GRID1: variants seen among roughly 807,000 people sequenced by gnomAD.
GRID1 encodes the protein glutamate receptor ionotropic, delta-1.
A neutral mutation model predicts 98.0 loss-of-function variants in GRID1; 28 were observed. The ratio of observed to expected loss-of-function variants is 0.29; its 90% CI spans 0.21 to 0.39. GRID1 has a LOEUF of 0.39. Among genes scored for constraint, GRID1 ranks in the 10% least tolerant of loss-of-function variants. The probability of loss-of-function intolerance (pLI) is 1.00; values close to 1 mark genes in which losing one functional copy is unlikely to be tolerated. For missense variants in GRID1, 1,111 were observed against 1,340.5 expected, an observed-to-expected ratio of 0.83 and a Z score of 2.67; for synonymous variants, 553 against 538.5, an observed-to-expected ratio of 1.03 and a Z score of -0.37.
intron 8 of GRID1, among the ~76,000 whole-genome samples, chr10:85,766,900 A>T (rs1842203476): frequency 6.6e-6 from 1 of 152,044 alleles, no homozygotes; most frequent in South Asian, 2.1e-4. Flanking sequence ...CTTAAAGTAA[A>T]ACCTTTGAAA....
intron 3 of GRID1, among the ~76,000 whole-genome samples, chr10:86,187,696 A>C (rs934421031): frequency 2.6e-5 from 4 of 152,220 alleles, no homozygotes; most frequent in African/African-American, 9.6e-5. Flanking sequence ...TTATAGTGCA[A>C]GAGGCATCAC....
intron 4 of GRID1, among the ~76,000 whole-genome samples, chr10:86,024,662 G>A (rs1190466665): frequency 1.3e-5 from 2 of 152,170 alleles, no homozygotes; most frequent in African/African-American, 4.8e-5. Flanking sequence ...CACCTCTCTG[G>A]CTGGCTGCAA....
chr10:85,690,452 C>A (rs981774477), intron 12 of GRID1, among the ~76,000 whole-genome samples: 3 of 152,134 alleles, frequency 2.0e-5, no homozygotes. Flanking sequence ...TAACCAATTA[C>A]AAATCTATTT....
chr10:85,752,166 C>T (rs1403192199), intron 8 of GRID1, among the ~76,000 whole-genome samples: 2 of 152,284 alleles, frequency 1.3e-5, no homozygotes, highest in Non-Finnish European at 1.5e-5. Context: ...CTCAGCTCTC[C>T]GGCCCTTTAT....
Position 86,296,234 on chromosome 10 carries a change from A to G in GRID1, c.235+67707T>C, listed in dbSNP as rs118013440. 9.8e-5 allele frequency among the ~76,000 whole-genome samples: 15 copies of G among 152,332 alleles called. No individual in the cohort carries two copies. The East Asian group carries it at 2.7e-3, about 27-fold the overall frequency. ...ATTCTGTGACAAGAAGGAAAATGCT[A>G]TGGTATTATAGAAGAAGCCACTGGA... On this transcript the variant is annotated intron_variant, in intron 2 of 15. Transcript: ENST00000327946.
intron 4 of GRID1, among the ~76,000 whole-genome samples, chr10:85,979,799 C>T (rs1413063773): frequency 6.6e-6 from 1 of 152,198 alleles, no homozygotes; most frequent in Non-Finnish European, 1.5e-5. Flanking sequence ...CACTGGTCCA[C>T]AGGGCTCAGG....
chr10:86,084,185 A>C (rs1272785043), intron 4 of GRID1, among the ~76,000 whole-genome samples: 1 of 152,134 alleles, frequency 6.6e-6, no homozygotes, highest in Non-Finnish European at 1.5e-5. Flanking sequence ...TAGGGCACTG[A>C]AGGAGGCGCC....
chr10:86,321,669 G>T (rs1004887401), intron 2 of GRID1, among the ~76,000 whole-genome samples: 3 of 152,176 alleles, frequency 2.0e-5, no homozygotes, highest in Non-Finnish European at 4.4e-5. Context: ...AATCAAATGT[G>T]AGGGTGGCTG....
At chr10:86,279,985 T>C (rs1847334446) in intron 2 of GRID1, among the ~76,000 whole-genome samples, 1 of 152,164 alleles carries the variant, frequency 6.6e-6, no homozygotes. Flanking sequence ...AAGAGATCAC[T>C]TGAGGCCAGG....
intron 2 of GRID1, among the ~76,000 whole-genome samples, chr10:86,331,378 G>A (rs950007029): frequency 2.6e-5 from 4 of 152,200 alleles, no homozygotes; most frequent in African/African-American, 4.8e-5. Context: ...TACCCAGGGA[G>A]GCCACTACCT....
chr10:85,953,927 G>T (rs1252614598), intron 4 of GRID1, among the ~76,000 whole-genome samples: 2 of 152,104 alleles, frequency 1.3e-5, no homozygotes, highest in African/African-American at 4.8e-5. Context: ...CCTCTCTGTG[G>T]TAGAAAATCA....
At chr10:86,173,186 T>C (rs566132515) in intron 3 of GRID1, among the ~76,000 whole-genome samples, 3 of 152,292 alleles carry the variant, frequency 2.0e-5, no homozygotes, top group African/African-American at 7.2e-5. Flanking sequence ...TACAGGTGTG[T>C]GCCACCATGC....
At chr10:85,631,533 A>C (rs4357628) in intron 13 of GRID1, among the ~76,000 whole-genome samples, 52,983 of 152,084 alleles carry the variant, frequency 0.35, 9,341 homozygotes, top group Middle Eastern at 0.51. Context: ...TTCAAGAAAA[A>C]AAGAAGCTGG....
intron 4 of GRID1, among the ~76,000 whole-genome samples, chr10:85,950,015 GTAGA>G (rs767006326): frequency 2.6e-5 from 4 of 152,136 alleles, no homozygotes; most frequent in South Asian, 4.2e-4. Context: ...AAATGGATGG[GTAGA>G]TAGATAAATA....
At chr10:85,904,022 T>C (rs530731399) in intron 5 of GRID1, among the ~76,000 whole-genome samples, 67 of 152,354 alleles carry the variant, frequency 4.4e-4, no homozygotes, top group Non-Finnish European at 8.4e-4. Context: ...TTGCCTTACA[T>C]GATTGTATTA....
intron 13 of GRID1, among the ~76,000 whole-genome samples, chr10:85,636,248 T>G (rs1843040061): frequency 6.6e-6 from 1 of 152,226 alleles, no homozygotes; most frequent in Non-Finnish European, 1.5e-5. Context: ...CCCAAGTCGG[T>G]TTTTGTCTTC....
intron 4 of GRID1, among the ~76,000 whole-genome samples, chr10:86,103,840 C>G (rs1844338037): frequency 1.3e-5 from 2 of 152,196 alleles, no homozygotes; most frequent in African/African-American, 4.8e-5. Flanking sequence ...TTACTAACCA[C>G]TGTTGGGCTG....
At chr10:86,120,010 A>G (rs1446544666) in intron 4 of GRID1, among the ~76,000 whole-genome samples, 1 of 151,896 alleles carries the variant, frequency 6.6e-6, no homozygotes, top group Non-Finnish European at 1.5e-5. Context: ...ACGTGTTAGC[A>G]AGATGGTCTC....
At chr10:85,632,508 G>T (rs1174030275) in intron 13 of GRID1, among the ~76,000 whole-genome samples, 1 of 152,102 alleles carries the variant, frequency 6.6e-6, no homozygotes, top group Non-Finnish European at 1.5e-5. Flanking sequence ...CCCACATGAT[G>T]CTGGCGGTGT....
Sources: gnomAD v4.1 joint callset for allele counts (sites outside exome capture counted in the v4.1 genomes callset) on GRCh38, gnomAD v4.1.1 for gene constraint, MANE v1.5 for transcripts, NCBI Gene and HGNC (gene_info 2026-07-23, HGNC 2026-07-21) for gene names.